CLVS1: variants seen among roughly 807,000 people sequenced by gnomAD.
CLVS1 encodes clavesin 1, also known as clavesin-1.
A neutral mutation model predicts 33.1 loss-of-function variants in CLVS1; 10 were observed. The observed-to-expected ratio is 0.30, with a 90% confidence interval of 0.19 to 0.51. The LOEUF (loss-of-function observed/expected upper bound fraction) is 0.51. Among genes scored for constraint, CLVS1 ranks in the 20% least tolerant of loss-of-function variants. The pLI is 0.97. For synonymous variants in CLVS1, 163 were observed against 166.1 expected, an observed-to-expected ratio of 0.98 and a Z score of 0.14; for missense variants, 343 against 433.4, an observed-to-expected ratio of 0.79 and a Z score of 1.85.
Position 61,172,167 on chromosome 8 carries a change from C to A in CLVS1, c.-152+40307C>A, listed in dbSNP as rs181760292. On this transcript the variant is annotated intron_variant, in intron 2 of 2. Transcript: ENST00000522621. The stretch of plus-strand genomic sequence containing the variant: ...TATATTGTTGTTTCGTTAACCACTG[C>A]ATCTTTTGTCTATGTTACGTATTCT... Among the ~76,000 whole-genome samples, 3 of 152,284 alleles carry A rather than the reference C, an allele frequency of 2.0e-5. No homozygotes were observed. The East Asian group carries it at 5.8e-4, about 29-fold the overall frequency.
At chr8:61,402,105 G>T (rs1814792103) in intron 3 of CLVS1, among the ~76,000 whole-genome samples, 1 of 152,042 alleles carries the variant, frequency 6.6e-6, no homozygotes, top group South Asian at 2.1e-4. Context: ...TGAATGTTGA[G>T]ATTTATGCCA....
the CLVS1 span, among the ~76,000 whole-genome samples, chr8:61,024,725 C>T: frequency 6.6e-6 from 1 of 152,188 alleles, no homozygotes; most frequent in Non-Finnish European, 1.5e-5. Context: ...GTGATAAGTC[C>T]ACTCTGCCAT....
chr8:61,018,827 A>G, the CLVS1 span, among the ~76,000 whole-genome samples: 45 of 152,230 alleles, frequency 3.0e-4, no homozygotes, highest in African/African-American at 1.0e-3. Flanking sequence ...ATTGTCTACA[A>G]TGTTTTGCTC....
the CLVS1 span, among the ~76,000 whole-genome samples, chr8:61,017,358 C>G: frequency 6.6e-6 from 1 of 152,232 alleles, no homozygotes. Context: ...TGGGTGCCTT[C>G]GCACAGTGCT....
chr8:61,031,749 G>T, the CLVS1 span, among the ~76,000 whole-genome samples: 4 of 152,180 alleles, frequency 2.6e-5, no homozygotes, highest in Non-Finnish European at 5.9e-5. Context: ...GGGACAAGGC[G>T]ATGAGTGGCT....
chr8:61,296,986 G>A (rs1810236884), intron 1 of CLVS1, among the ~76,000 whole-genome samples: 1 of 152,162 alleles, frequency 6.6e-6, no homozygotes, highest in African/African-American at 2.4e-5. Flanking sequence ...GGCCAGGAAG[G>A]GTTTCCTGCG....
chr8:61,375,772 C>T (rs995207004), intron 2 of CLVS1, among the ~76,000 whole-genome samples: 6 of 152,264 alleles, frequency 3.9e-5, no homozygotes, highest in African/African-American at 1.4e-4. Context: ...ATCTAGAGAT[C>T]CTCTAAGATC....
At chr8:61,110,287 C>G (rs1805604078) in intron 1 of CLVS1, among the ~76,000 whole-genome samples, 1 of 152,144 alleles carries the variant, frequency 6.6e-6, no homozygotes, top group African/African-American at 2.4e-5. Flanking sequence ...ACAACCCAGG[C>G]TGTAGCTAGA....
At chr8:61,213,523 C>T (rs1338888075) in intron 2 of CLVS1, among the ~76,000 whole-genome samples, 1 of 150,588 alleles carries the variant, frequency 6.6e-6, no homozygotes, top group African/African-American at 2.5e-5. Flanking sequence ...TATTAGTTCC[C>T]CAGATTAGTA....
At chr8:61,347,957 T>G (rs1055350067) in intron 2 of CLVS1, among the ~76,000 whole-genome samples, 3 of 151,746 alleles carry the variant, frequency 2.0e-5, no homozygotes, top group Non-Finnish European at 4.4e-5. Flanking sequence ...CTCACCTACT[T>G]GTCTTTTTGT....
intron 2 of CLVS1, among the ~76,000 whole-genome samples, chr8:61,181,695 A>ATTTT (rs1807234316): frequency 7.1e-5 from 5 of 70,278 alleles, no homozygotes; most frequent in Admixed American, 3.4e-4. Flanking sequence ...CAACCATCTG[A>ATTTT]TCTTTTTTTT....
At chr8:61,231,293 C>CAT (rs1008481779) in intron 2 of CLVS1, among the ~76,000 whole-genome samples, 1 of 151,910 alleles carries the variant, frequency 6.6e-6, no homozygotes, top group African/African-American at 2.4e-5. Flanking sequence ...CTTGCACACA[C>CAT]ACACACACAC....
chr8:61,346,644 T>C, intron 2 of CLVS1, among the ~76,000 whole-genome samples: 1 of 152,192 alleles, frequency 6.6e-6, no homozygotes, highest in East Asian at 1.9e-4. Context: ...TAAACTAGTT[T>C]TGACTTTTTT....
At chr8:61,120,907 C>T (rs1465440736) in intron 1 of CLVS1, among the ~76,000 whole-genome samples, 1 of 148,070 alleles carries the variant, frequency 6.8e-6, no homozygotes, top group Non-Finnish European at 1.5e-5. Context: ...CCACCCATTT[C>T]CAGCTTCCTG....
At chr8:61,228,897 C>T (rs924539486) in intron 2 of CLVS1, among the ~76,000 whole-genome samples, 7 of 152,140 alleles carry the variant, frequency 4.6e-5, no homozygotes, top group South Asian at 2.1e-4. Context: ...TCATTTCTTT[C>T]GGATATATAT....
the CLVS1 span, among the ~76,000 whole-genome samples, chr8:61,005,009 T>C: frequency 3.3e-5 from 5 of 152,220 alleles, no homozygotes; most frequent in Middle Eastern, 3.2e-3. Context: ...ACCTGGTAAT[T>C]AATGAAATGC....
chr8:61,410,419 A>C (rs1311356788), intron 3 of CLVS1, among the ~76,000 whole-genome samples: 1 of 152,174 alleles, frequency 6.6e-6, no homozygotes, highest in Non-Finnish European at 1.5e-5. Context: ...AATAAGTTGT[A>C]ACATCCGGTA....
intron 5 of CLVS1, among the ~76,000 whole-genome samples, chr8:61,486,092 A>G (rs1228874403): frequency 6.6e-6 from 1 of 151,574 alleles, no homozygotes; most frequent in Non-Finnish European, 1.5e-5. Flanking sequence ...AACTTAAAGT[A>G]TAATTAAAAT....
At chr8:61,382,838 T>C (rs1329824602) in intron 3 of CLVS1, among the ~76,000 whole-genome samples, 1 of 152,178 alleles carries the variant, frequency 6.6e-6, no homozygotes, top group Non-Finnish European at 1.5e-5. Flanking sequence ...GTCTTGGCTA[T>C]GCCCCTCAAA....
Sources: allele counts gnomAD v4.1 joint callset (sites outside exome capture counted in the v4.1 genomes callset), GRCh38; gene constraint gnomAD v4.1.1; transcripts MANE v1.5; gene names NCBI Gene and HGNC (gene_info 2026-07-23, HGNC 2026-07-21).